The following PTPRD variants were observed in gnomAD, a reference collection of about 807,000 sequenced individuals.
PTPRD encodes the protein receptor-type tyrosine-protein phosphatase delta.
A neutral mutation model predicts 214.5 loss-of-function variants in PTPRD; 34 were observed. The ratio of observed to expected loss-of-function variants is 0.16; its 90% CI spans 0.12 to 0.21. The LOEUF is 0.21. Ranked by LOEUF, PTPRD falls within the 10% of genes least tolerant of loss-of-function variation. The pLI is 1.00. For missense variants in PTPRD, 2,545 were observed against 2,398.7 expected (o/e 1.06, Z -1.27); for synonymous variants, 1,128 against 845.7 (o/e 1.33, Z -5.79).
intron 7 of PTPRD, among the ~76,000 whole-genome samples, chr9:9,720,135 T>C (rs1319839752): frequency 6.6e-6 from 1 of 152,158 alleles, no homozygotes; most frequent in East Asian, 1.9e-4. Flanking sequence ...CCCAGATGTT[T>C]CCAGCTGGCA....
At chr9:8,369,952 G>C (rs1337183952) in intron 39 of PTPRD, among the ~76,000 whole-genome samples, 1 of 151,870 alleles carries the variant, frequency 6.6e-6, no homozygotes, top group African/African-American at 2.4e-5. Flanking sequence ...CTAGAATATA[G>C]TCTTTATAGA....
chr9:8,567,477 G>A (rs77800879), intron 14 of PTPRD, among the ~76,000 whole-genome samples: 3,096 of 152,244 alleles, frequency 0.02, 124 homozygotes, highest in East Asian at 0.1. Context: ...ATACCACATT[G>A]CAGTGATCTG....
chr9:8,807,089 C>A (rs774097806), intron 11 of PTPRD, among the ~76,000 whole-genome samples: 3 of 152,102 alleles, frequency 2.0e-5, no homozygotes, highest in African/African-American at 7.2e-5. Context: ...GTAATCCTAG[C>A]AATTTGGGAG....
chr9:10,424,560 G>A (rs936013466), intron 2 of PTPRD, among the ~76,000 whole-genome samples: 3 of 151,944 alleles, frequency 2.0e-5, no homozygotes, highest in East Asian at 2.0e-4. Flanking sequence ...CTCTCCTGAC[G>A]CTTACTTGTC....
intron 9 of PTPRD, among the ~76,000 whole-genome samples, chr9:9,392,168 C>T (rs10816119): frequency 0.16 from 23,726 of 152,114 alleles, 1,947 homozygotes; most frequent in Non-Finnish European, 0.18. Context: ...CTCCCCTTGG[C>T]CCTCAGCGAG....
intron 10 of PTPRD, among the ~76,000 whole-genome samples, chr9:9,043,481 C>T (rs2099651641): frequency 1.3e-5 from 2 of 152,122 alleles, no homozygotes; most frequent in African/African-American, 4.8e-5. Context: ...TCCTTCAGTT[C>T]TGCTAAGGGA....
chr9:8,537,874 T>A (rs934128084), intron 14 of PTPRD, among the ~76,000 whole-genome samples: 2 of 152,082 alleles, frequency 1.3e-5, no homozygotes, highest in Non-Finnish European at 2.9e-5. Context: ...AATTATCATT[T>A]GTCTAAATGT....
intron 7 of PTPRD, among the ~76,000 whole-genome samples, chr9:9,589,284 T>A (rs941948505): frequency 2.0e-5 from 3 of 151,950 alleles, no homozygotes; most frequent in African/African-American, 7.2e-5. Flanking sequence ...TTTTATACAT[T>A]TCCTACATAG....
chr9:8,759,615 C>CTTT (rs77725373), intron 11 of PTPRD, among the ~76,000 whole-genome samples: 4 of 98,992 alleles, frequency 4.0e-5, no homozygotes, highest in East Asian at 5.5e-4. Flanking sequence ...TGTTACATTT[C>CTTT]TTTTTTTTTT....
At chr9:9,260,079 T>A (rs578124749) in intron 9 of PTPRD, among the ~76,000 whole-genome samples, 1 of 152,008 alleles carries the variant, frequency 6.6e-6, no homozygotes, top group African/African-American at 2.4e-5. Context: ...AACTGTTTTA[T>A]GAGCTTTGAG....
chr9:9,466,803 C>T (rs757047654), intron 8 of PTPRD, among the ~76,000 whole-genome samples: 1 of 152,026 alleles, frequency 6.6e-6, no homozygotes, highest in African/African-American at 2.4e-5. Context: ...ATTTTAATTG[C>T]TACAATTTGT....
intron 5 of PTPRD, among the ~76,000 whole-genome samples, chr9:9,836,719 T>C (rs1245447749): frequency 1.3e-5 from 2 of 152,122 alleles, no homozygotes; most frequent in Admixed American, 1.3e-4. Context: ...TTACTACCTG[T>C]GTGAATTTGA....
chr9:9,828,374 A>AACC (rs2053674902), intron 5 of PTPRD, among the ~76,000 whole-genome samples: 5 of 150,726 alleles, frequency 3.3e-5, no homozygotes, highest in East Asian at 1.9e-4. Flanking sequence ...TGAAACTGGA[A>AACC]ATCATTCTCA....
intron 5 of PTPRD, among the ~76,000 whole-genome samples, chr9:9,835,732 G>C (rs924278718): frequency 6.6e-6 from 1 of 152,104 alleles, no homozygotes; most frequent in Non-Finnish European, 1.5e-5. Flanking sequence ...GAAGGTCAGA[G>C]TGACCAGCAC....
chr9:9,769,796 T>G (rs894335723), intron 5 of PTPRD, among the ~76,000 whole-genome samples: 8 of 152,184 alleles, frequency 5.3e-5, no homozygotes, highest in Middle Eastern at 3.4e-3. Context: ...TGTGTGATGT[T>G]CCCCTCCCTG....
chr9:9,402,987 AAACACC>A lies in PTPRD; in HGVS notation c.-236-5511_-236-5506del, dbSNP rs1233881967. 2.7e-3 allele frequency among the ~76,000 whole-genome samples: 392 copies of A among 146,866 alleles called. 7 individuals are homozygous for A. The highest frequency in any genetic ancestry group is 9.5e-3 in the African/African-American group (375 of 39,490). On this transcript the variant is annotated intron_variant, in intron 8 of 45. Transcript: ENST00000381196. ...GGGAGAAAAAAAAAAAAAAAAAAAAAAACACCAAAAAAAAATGAGGTGCCAGGCGCG... is the reference window on the plus strand; with the variant it reads ...GGGAGAAAAAAAAAAAAAAAAAAAAAAAAAAAAAATGAGGTGCCAGGCGCG...
intron 34 of PTPRD, among the ~76,000 whole-genome samples, chr9:8,445,742 T>A (rs1025967614): frequency 2.6e-5 from 4 of 152,194 alleles, no homozygotes; most frequent in African/African-American, 9.6e-5. Context: ...CAGCAATCGG[T>A]TAAGTCACAA....
chr9:10,362,862 A>T (rs1011048832), intron 2 of PTPRD, among the ~76,000 whole-genome samples: 5 of 152,212 alleles, frequency 3.3e-5, no homozygotes, highest in Admixed American at 3.3e-4. Flanking sequence ...CTTGGGCGAC[A>T]GAGTGAGACT....
chr9:8,655,242 G>C (rs2096886202), intron 12 of PTPRD, among the ~76,000 whole-genome samples: 1 of 152,110 alleles, frequency 6.6e-6, no homozygotes, highest in African/African-American at 2.4e-5. Flanking sequence ...ACTTCTCTAA[G>C]GCACCTAAAT....
Sources: allele counts gnomAD v4.1 joint callset (sites outside exome capture counted in the v4.1 genomes callset), GRCh38; gene constraint gnomAD v4.1.1; transcripts MANE v1.5; gene names NCBI Gene and HGNC (gene_info 2026-07-23, HGNC 2026-07-21).